C3orf18: variants seen among roughly 807,000 people sequenced by gnomAD.
The protein encoded by C3orf18 is uncharacterized protein C3orf18.
Under a neutral mutation model 14.1 loss-of-function variants are expected in C3orf18, and 12 were observed. The observed-to-expected ratio is 0.85, with a 90% CI of 0.55 to 1.38. The LOEUF is 1.38. C3orf18 is among the 40% of genes most tolerant of loss of function. The pLI is 0.00. For missense variants in C3orf18, 196 were observed against 213.9 expected (o/e 0.92, Z 0.52); for synonymous variants, 82 against 87.9 (o/e 0.93, Z 0.38).
chr3:50,572,081 G>A (rs1288292926), upstream of C3orf18: 5 of 1,612,102 alleles, frequency 3.1e-6, no homozygotes, highest in South Asian at 1.1e-5. Flanking sequence ...TCCTAGCTCT[G>A]TCCCTGATGA....
At position 50,558,458 on chromosome 3, in the gene C3orf18, A is replaced by G. The variant is rs916333582; in HGVS notation, c.*1199T>C. ...GCTTATGGAGAGGCCAAGTGCAGGGACCCATCTCCCCACTCTCTAAACACT... is the reference window on the plus strand; with the variant it reads ...GCTTATGGAGAGGCCAAGTGCAGGGGCCCATCTCCCCACTCTCTAAACACT... On this transcript the variant is annotated 3_prime_UTR_variant, in exon 6 of 6. Transcript: ENST00000357203. 22 of 340,532 alleles carry G rather than the reference A, an allele frequency of 6.5e-5. No homozygotes were observed. Among genetic ancestry groups the G allele is most frequent in the Non-Finnish European group, 1.3e-4 (22 of 174,448 alleles). The allele number at this position is 340,532 out of a possible 1,614,324, so 21.1% of individuals were successfully genotyped here. A position where few individuals can be genotyped will look rare whatever the true frequency, so the allele number is the denominator to read the frequency against.
At position 50,558,708 on chromosome 3, in the gene C3orf18, A is replaced by T; in HGVS notation, c.*949T>A. 7.8e-7 allele frequency: 1 copy of T among 1,289,394 alleles called. No individual in the cohort carries two copies. Among genetic ancestry groups the T allele is most frequent in the Non-Finnish European group, 1.0e-6 (1 of 988,546 alleles). The allele number at this position is 1,289,394 out of a possible 1,614,324, so 79.9% of individuals were successfully genotyped here. A position where few individuals can be genotyped will look rare whatever the true frequency, so the allele number is the denominator to read the frequency against. On this transcript the variant is annotated 3_prime_UTR_variant, in exon 6 of 6. Transcript: ENST00000357203. ...GCCGTTTTCAGAAGCAGGTGAGCCC[A>T]GTGAAACAATGCAGTGGAGAGAGGA...
upstream of C3orf18, chr3:50,571,375 G>T: frequency 7.0e-7 from 1 of 1,424,838 alleles, no homozygotes; most frequent in Non-Finnish European, 9.6e-7. Flanking sequence ...AGGGAGGAGG[G>T]AGGACTTGGG....
upstream of C3orf18, chr3:50,571,168 C>T (rs753265687): frequency 9.3e-6 from 15 of 1,613,286 alleles, no homozygotes; most frequent in East Asian, 2.2e-5. Context: ...GGGAAGTACC[C>T]GGGGCTGGGC....
At position 50,558,841 on chromosome 3, in the gene C3orf18, G is replaced by A. The variant is rs1427791391; in HGVS notation, c.*816C>T. 8.5e-6 allele frequency: 11 copies of A among 1,289,772 alleles called. 1 individual carries two copies. The East Asian group carries it at 5.5e-4, about 65-fold the overall frequency. The allele number at this position is 1,289,772 out of a possible 1,614,324, so 79.9% of individuals were successfully genotyped here. A position where few individuals can be genotyped will look rare whatever the true frequency, so the allele number is the denominator to read the frequency against. On this transcript the variant is annotated 3_prime_UTR_variant, in exon 6 of 6. Coordinates refer to ENST00000357203, the MANE Select transcript of C3orf18 (RefSeq NM_016210.5). ...CATACCATGGGGTAGAGGTCGACTT[G>A]GAGGGTGGGGCCAGTGTGGACAATC...
chr3:50,559,631 A>C lies in C3orf18; in HGVS notation c.*26T>G. 6.5e-7 allele frequency: 1 copy of C among 1,538,778 alleles called. No individual in the cohort carries two copies. Among genetic ancestry groups the C allele is most frequent in the South Asian group, 1.2e-5 (1 of 81,692 alleles). ...GTAGGCACCGTGATGGGTCTCTATC[A>C]GAAGTCCAGGCTTGTCCCAGGCCAC... is the stretch of plus-strand genomic sequence containing the variant. On this transcript the variant is annotated 3_prime_UTR_variant, in exon 6 of 6. Coordinates refer to ENST00000357203, the MANE Select transcript of C3orf18 (RefSeq NM_016210.5).
At chr3:50,570,880 G>T (rs748102961), upstream of C3orf18, 9 of 449,240 alleles carry the variant, frequency 2.0e-5, no homozygotes, top group East Asian at 7.2e-5. Context: ...TTGGTAGAAG[G>T]GGGGGTGTCA....
At chr3:50,562,026 A>G (rs1700006828) in intron 3 of C3orf18, 1 of 587,996 alleles carries the variant, frequency 1.7e-6, no homozygotes, top group Admixed American at 3.0e-5. Flanking sequence ...AAGCCTCCTG[A>G]GTAGCTAGGA....
At position 50,558,513 on chromosome 3, in the gene C3orf18, G is replaced by T. The variant is rs888603521; in HGVS notation, c.*1144C>A. ...GGCTCTTCCCATAGATGGGATGGAG[G>T]TGGGGAATTCAAACATAGACTAAGT... On this transcript the variant is annotated 3_prime_UTR_variant, in exon 6 of 6. Coordinates refer to ENST00000357203, the MANE Select transcript of C3orf18 (RefSeq NM_016210.5). 5.2e-6 allele frequency: 2 copies of T among 382,782 alleles called. No individual in the cohort carries two copies. The highest frequency in any genetic ancestry group is 9.7e-6 in the Non-Finnish European group (2 of 205,746). 23.7% of individuals were successfully genotyped at this position (382,782 alleles called of 1,614,324 possible).
At chr3:50,562,538 T>A in intron 3 of C3orf18, 1 of 455,274 alleles carries the variant, frequency 2.2e-6, no homozygotes, top group Non-Finnish European at 4.4e-6. Flanking sequence ...GGAGGATCTC[T>A]TGAGCCCAGG....
intron 5 of C3orf18, among the ~76,000 whole-genome samples, chr3:50,560,633 C>T (rs578065515): frequency 6.6e-6 from 1 of 152,200 alleles, no homozygotes; most frequent in Non-Finnish European, 1.5e-5. Flanking sequence ...TGGAAGAGAA[C>T]ACTGAGGCTC....
rs1461659324 is a variant in C3orf18, at chr3:50,565,441, TC to T, written c.234+24del. The T allele has an allele frequency of 5.9e-6, 9 of 1,529,920 alleles. No homozygotes were observed. The highest frequency in any genetic ancestry group is 4.1e-5 in the African/African-American group (3 of 73,056). The allele number at this position is 1,529,920 out of a possible 1,614,324, so 94.8% of individuals were successfully genotyped here. ...CTATAAATCTAAACACTGATTATCC[TC>T]CCCCAGCCTACCCCAGCTCTCACCA... On this transcript the variant is annotated intron_variant, in intron 3 of 5. Transcript: ENST00000357203. This position sits in a 1 kb window ranked among gnomAD's most constrained non-coding sequence, Gnocchi z 4.4.
At position 50,566,011 on chromosome 3, in the gene C3orf18, G is replaced by A. The variant is rs149664737; in HGVS notation, c.-168C>T. 1.4e-4 allele frequency: 42 copies of A among 305,246 alleles called. No homozygotes were observed. The highest frequency in any genetic ancestry group is 6.9e-4 in the African/African-American group (32 of 46,554). The allele number at this position is 305,246 out of a possible 1,614,324, so 18.9% of individuals were successfully genotyped here. On this transcript the variant is annotated 5_prime_UTR_variant, in exon 2 of 6. The change creates a new upstream start codon in the 5' untranslated region. Transcript: ENST00000357203. ...GGAGACATTAGGACACATACTTTAC[G>A]TATCTACGGTGCCCCTGTTTTTGGG...
At position 50,558,469 on chromosome 3, in the gene C3orf18, C is replaced by T; in HGVS notation, c.*1188G>A. On this transcript the variant is annotated 3_prime_UTR_variant, in exon 6 of 6. Coordinates refer to ENST00000357203, the MANE Select transcript of C3orf18 (RefSeq NM_016210.5). ...GGCCAAGTGCAGGGACCCATCTCCC[C>T]ACTCTCTAAACACTGAACGGCTCTT... The T allele has an allele frequency of 2.9e-6, 1 of 344,736 alleles. No individual in the cohort carries two copies. The highest frequency in any genetic ancestry group is 2.3e-5 in the South Asian group (1 of 43,504). The allele number at this position is 344,736 out of a possible 1,614,324, so 21.4% of individuals were successfully genotyped here. A position where few individuals can be genotyped will look rare whatever the true frequency, so the allele number is the denominator to read the frequency against.
At chr3:50,571,890 A>C (rs1701007940), upstream of C3orf18, 1 of 1,433,682 alleles carries the variant, frequency 7.0e-7, no homozygotes, top group Non-Finnish European at 9.8e-7. Context: ...GGAGGAGGAG[A>C]ATGTCCAAGG....
At position 50,567,720 on chromosome 3, in the gene C3orf18, A is replaced by T. The variant is rs1700434688; in HGVS notation, c.-509T>A. 2.0e-5 allele frequency: 3 copies of T among 152,258 alleles called. No individual in the cohort carries two copies. The highest frequency in any genetic ancestry group is 2.0e-4 in the Admixed American group (3 of 15,292). 9.4% of individuals were successfully genotyped at this position (152,258 alleles called of 1,614,324 possible). ...CGGCGGAGGTGGGGCCGGGCCGAGC[A>T]GCCTCGGGGGATCCCCGAAGCTACA... On this transcript the variant is annotated 5_prime_UTR_variant, in exon 1 of 6. Transcript: ENST00000357203.
chr3:50,560,852 A>AG, intron 5 of C3orf18, 65 bp downstream of exon 5: 1 of 1,501,390 alleles, frequency 6.7e-7, no homozygotes, highest in South Asian at 1.3e-5. Flanking sequence ...ATGAGAAAGG[A>AG]GGGAGGGTGA....
chr3:50,558,894 C>A lies in C3orf18; in HGVS notation c.*763G>T. The A allele has an allele frequency of 7.8e-7, 1 of 1,289,630 alleles. No homozygotes were observed. The highest frequency in any genetic ancestry group is 1.0e-6 in the Non-Finnish European group (1 of 988,738). 79.9% of individuals were successfully genotyped at this position (1,289,630 alleles called of 1,614,324 possible). On this transcript the variant is annotated 3_prime_UTR_variant, in exon 6 of 6. Coordinates refer to ENST00000357203, the MANE Select transcript of C3orf18 (RefSeq NM_016210.5). ...ATTCTGCCCGCTGTGCTGGGACAGG[C>A]ACATGTCTGCCCATGGGCACACTCA... is the stretch of plus-strand genomic sequence containing the variant.
rs1272454117 is a variant in C3orf18 at position 50,565,687 on chromosome 3, T to C, written c.13A>G (p.Thr5Ala). Residue 5 changes from threonine to alanine, a missense_variant, in exon 3 of 6, where the codon ACC (threonine) becomes GCC (alanine). Thr to Ala is a moderately conservative substitution (Grantham distance 58). Transcript: ENST00000357203. This position sits in a 1 kb window ranked among gnomAD's most constrained non-coding sequence, Gnocchi z 4.4. MNSR[T>A]ASARGWFSSR... ...CTGAACCAGCCCCTAGCAGATGCGG[T>C]CCTGGAGTTCATGCTGATGCGGAGA... 1.7e-5 allele frequency: 27 copies of C among 1,610,230 alleles called. No individual in the cohort carries two copies. Among genetic ancestry groups the C allele is most frequent in the Non-Finnish European group, 2.2e-5 (26 of 1,179,666 alleles).
Sources: allele counts gnomAD v4.1 joint callset (sites outside exome capture counted in the v4.1 genomes callset), GRCh38; gene constraint gnomAD v4.1.1; non-coding constraint Gnocchi (gnomAD v3.1); transcripts MANE v1.5; gene names NCBI Gene and HGNC (gene_info 2026-07-23, HGNC 2026-07-21).